The following DAZL variants were observed in gnomAD, a reference collection of about 807,000 sequenced individuals.
DAZL encodes deleted in azoospermia like, also known as deleted in azoospermia-like.
In DAZL, 4 loss-of-function variants were observed where a neutral mutation model predicts 45.0. The observed-to-expected ratio is 0.09, with a 90% CI of 0.04 to 0.20. DAZL has a LOEUF of 0.20. DAZL is among the 10% of genes least tolerant of loss of function. The probability of loss-of-function intolerance (pLI) is 1.00; values close to 1 mark genes in which losing one functional copy is unlikely to be tolerated. For synonymous variants in DAZL, 122 were observed against 112.4 expected, an observed-to-expected ratio of 1.09 and a Z score of -0.54; for missense variants, 326 against 351.3, an observed-to-expected ratio of 0.93 and a Z score of 0.58.
intron 1 of DAZL, chr3:16,604,461 C>G: frequency 6.5e-7 from 1 of 1,532,560 alleles, no homozygotes; most frequent in Non-Finnish European, 8.7e-7. Flanking sequence ...AAGATGGCGT[C>G]AGGCGAGCTT....
chr3:16,604,444 T>C, intron 1 of DAZL: 3 of 1,531,804 alleles, frequency 2.0e-6, no homozygotes, highest in Non-Finnish European at 2.6e-6. Context: ...ACCAACCTCG[T>C]GCGGCAAAGA....
chr3:16,592,281 G>A, intron 9 of DAZL, 133 bp from the exon 10 acceptor site: 1 of 1,366,006 alleles, frequency 7.3e-7, no homozygotes, highest in Non-Finnish European at 1.0e-6. Flanking sequence ...AAGAGACTGG[G>A]AGTGGTGGCT....
In DAZL at chr3:16,596,670, C is replaced by T. The variant is rs780509721; in HGVS notation, c.498+80G>A. 3.9e-4 allele frequency: 570 copies of T among 1,479,188 alleles called. 1 individual carries two copies. The highest frequency in any genetic ancestry group is 1.2e-3 in the South Asian group (103 of 87,458). The allele number at this position is 1,479,188 out of a possible 1,614,324, so 91.6% of individuals were successfully genotyped here. On this transcript the variant is annotated intron_variant, in intron 6 of 10. Coordinates refer to ENST00000399444, the MANE Select transcript of DAZL (RefSeq NM_001351.4). ...CAAACAGGGATGCCATTACCACTTA[C>T]TACAGAAATTGGATGTAATTCCACA...
intron 1 of DAZL, 114 bp downstream of exon 1, chr3:16,605,089 C>T (rs1420073742): frequency 5.9e-6 from 8 of 1,347,990 alleles, no homozygotes; most frequent in African/African-American, 1.4e-5. Context: ...CAGGCAGGTG[C>T]CCCCCAAACA....
chr3:16,595,265 G>A, intron 7 of DAZL, 49 bp downstream of exon 7: 1 of 1,032,764 alleles, frequency 9.7e-7, no homozygotes, highest in Non-Finnish European at 1.5e-6. Context: ...ACAAGTTAAA[G>A]GCCTCAATAA....
intron 4 of DAZL, 25 bp from the exon 5 acceptor site, chr3:16,597,076 T>C: frequency 1.2e-6 from 2 of 1,601,460 alleles, no homozygotes; most frequent in Non-Finnish European, 1.7e-6. Flanking sequence ...GTAACAAAAC[T>C]AGAATCAATT....
Position 16,598,527 on chromosome 3 carries a change from T to C in DAZL, c.75A>G (p.Ala25=), listed in dbSNP as rs1694634774. 6 of 1,606,584 alleles carry C rather than the reference T, an allele frequency of 3.7e-6. No homozygotes were observed. The highest frequency in any genetic ancestry group is 1.7e-4 in the Middle Eastern group (1 of 6,052). ...REASTQSSSA[A]TSQGYILPEG... ...CTGGTAAAATATAGCCTTGGCTGGT[T>C]GCAGCTGATGAGGACTGGGTGCTGG... Residue 25 remains alanine, a synonymous_variant, in exon 2 of 11, where the codon GCA becomes GCG. Coordinates refer to ENST00000399444, the MANE Select transcript of DAZL (RefSeq NM_001351.4).
intron 9 of DAZL, among the ~76,000 whole-genome samples, chr3:16,593,293 G>A (rs1477449868): frequency 6.6e-6 from 1 of 152,072 alleles, no homozygotes; most frequent in African/African-American, 2.4e-5. Flanking sequence ...TGAAAATTTG[G>A]GCTATCTGAA....
Position 16,593,785 on chromosome 3 carries a change from G to A in DAZL, c.622-17C>T. 2.6e-6 allele frequency: 4 copies of A among 1,514,470 alleles called. No homozygotes were observed. The highest frequency in any genetic ancestry group is 3.7e-6 in the Non-Finnish European group (4 of 1,093,002). 93.8% of individuals were successfully genotyped at this position (1,514,470 alleles called of 1,614,324 possible). ...TGAATAAGCCTATATTTAAAATAAT[G>A]AAAGTGTAATTAAACAGATATACAG... On this transcript the variant is annotated splice_polypyrimidine_tract_variant and intron_variant, in intron 8 of 10. Coordinates refer to ENST00000399444, the MANE Select transcript of DAZL (RefSeq NM_001351.4).
chr3:16,594,905 C>T (rs1694574865), intron 7 of DAZL, among the ~76,000 whole-genome samples: 1 of 152,022 alleles, frequency 6.6e-6, no homozygotes, highest in Non-Finnish European at 1.5e-5. Context: ...TCTCAAAGAA[C>T]TACTATCATG....
At chr3:16,599,999 AT>A (rs903137636) in intron 1 of DAZL, among the ~76,000 whole-genome samples, 145 of 152,062 alleles carry the variant, frequency 9.5e-4, no homozygotes, top group Non-Finnish European at 1.4e-3. Flanking sequence ...TTATTTTCAG[AT>A]TTTTTTTCAA....
At chr3:16,589,627 A>G (rs375814488) in intron 10 of DAZL, among the ~76,000 whole-genome samples, 1 of 152,312 alleles carries the variant, frequency 6.6e-6, no homozygotes, top group East Asian at 1.9e-4. Context: ...ATTCAATACA[A>G]CAACATGCAG....
rs1694449911 is a variant in DAZL, at chr3:16,587,170, A to G, written c.*1490T>C. On this transcript the variant is annotated 3_prime_UTR_variant, in exon 11 of 11. Coordinates refer to ENST00000399444, the MANE Select transcript of DAZL (RefSeq NM_001351.4). ...GTAATAAAGCCCTCTTGGGAATTCT[A>G]AAGTTAAAAGACTCTCTCCTTCAGA... 6.6e-6 allele frequency: 1 copy of G among 152,176 alleles called. No individual in the cohort carries two copies. Among genetic ancestry groups the G allele is most frequent in the Non-Finnish European group, 1.5e-5 (1 of 68,020 alleles). 9.4% of individuals were successfully genotyped at this position (152,176 alleles called of 1,614,324 possible).
At chr3:16,595,239 C>A (rs1694580029) in intron 7 of DAZL, 75 bp downstream of exon 7, 7 of 844,838 alleles carry the variant, frequency 8.3e-6, no homozygotes, top group Non-Finnish European at 1.3e-5. Context: ...ACAAACCATT[C>A]AGACAATTTG....
intron 1 of DAZL, among the ~76,000 whole-genome samples, chr3:16,603,637 C>T (rs1280217651): frequency 1.3e-5 from 2 of 152,092 alleles, no homozygotes; most frequent in Admixed American, 6.5e-5. Context: ...TGAGCCACCG[C>T]GCCCAGCCCA....
At chr3:16,598,852 C>A (rs1694640864) in intron 1 of DAZL, among the ~76,000 whole-genome samples, 3 of 150,232 alleles carry the variant, frequency 2.0e-5, no homozygotes, top group Admixed American at 2.0e-4. Flanking sequence ...GGCGTGATCT[C>A]GGCTCACTGC....
intron 10 of DAZL, among the ~76,000 whole-genome samples, chr3:16,591,356 T>C (rs1295899420): frequency 6.6e-6 from 1 of 152,132 alleles, no homozygotes; most frequent in Admixed American, 6.6e-5. Flanking sequence ...ACTTTACCCC[T>C]TTTCTCCCTT....
intron 9 of DAZL, among the ~76,000 whole-genome samples, chr3:16,593,056 C>T (rs971205405): frequency 4.2e-5 from 6 of 144,092 alleles, no homozygotes; most frequent in Non-Finnish European, 7.5e-5. Flanking sequence ...AGAGAGAATG[C>T]CGTAAGTAAT....
In DAZL at chr3:16,593,714, C is replaced by T; in HGVS notation, c.676G>A (p.Val226Met). The change falls in exon 9 of 11, where the codon GTG (valine) becomes ATG (methionine). Residue 226 changes from valine (V) to methionine (M), a missense_variant. Around this residue, in one of 3 missense-constraint regions of DAZL, gnomAD observed 227 missense variants for 216.6 expected, o/e 1.05. Transcript: ENST00000399444. ...TCATGAACTGAACATTCATTTGGCA[C>T]AACTTCAGCTCCTGGATCAACTTCA... Reference protein sequence around the residue: ...CNEVDPGAEVVPNECSVHEAT... With the variant: ...CNEVDPGAEVMPNECSVHEAT... The T allele has an allele frequency of 6.2e-7, 1 of 1,612,814 alleles. No homozygotes were observed. Among genetic ancestry groups the T allele is most frequent in the Non-Finnish European group, 8.5e-7 (1 of 1,179,278 alleles).
Sources: allele counts gnomAD v4.1 joint callset (sites outside exome capture counted in the v4.1 genomes callset), GRCh38; gene constraint gnomAD v4.1.1; regional missense constraint gnomAD v4.1.1; transcripts MANE v1.5; gene names NCBI Gene and HGNC (gene_info 2026-07-23, HGNC 2026-07-21).